LARGE1: variants seen among roughly 807,000 people sequenced by gnomAD.
LARGE1 encodes the protein LARGE xylosyl- and glucuronyltransferase 1, also known as xylosyl- and glucuronyltransferase LARGE1.
Under a neutral mutation model 87.6 loss-of-function variants are expected in LARGE1, and 43 were observed. That is an observed-to-expected ratio of 0.49 (90% CI 0.38 to 0.63). The LOEUF (loss-of-function observed/expected upper bound fraction) is 0.63, where lower values mean the gene tolerates loss of function less well. Among genes scored for constraint, LARGE1 ranks in the 30% least tolerant of loss-of-function variants. The pLI, the probability that LARGE1 is intolerant of heterozygous loss-of-function variation, is 0.00. For synonymous variants in LARGE1, 434 were observed against 394.6 expected, an observed-to-expected ratio of 1.10 and a Z score of -1.18; for missense variants, 802 against 1,000.2, an observed-to-expected ratio of 0.80 and a Z score of 2.67.
chr22:33,593,993 G>A (rs1329584935), intron 5 of LARGE1, among the ~76,000 whole-genome samples: 4 of 152,100 alleles, frequency 2.6e-5, no homozygotes, highest in African/African-American at 4.8e-5. Context: ...CAGTTTCCTC[G>A]CCAGGAAATG....
intron 1 of LARGE1, among the ~76,000 whole-genome samples, chr22:33,766,818 A>C (rs1488708568): frequency 1.3e-5 from 2 of 151,648 alleles, no homozygotes; most frequent in African/African-American, 4.8e-5. Context: ...AATTTTATAT[A>C]CGTGTACAAA....
intron 6 of LARGE1, among the ~76,000 whole-genome samples, chr22:33,542,595 G>C (rs2077244443): frequency 6.7e-6 from 1 of 149,800 alleles, no homozygotes; most frequent in Admixed American, 6.8e-5. Flanking sequence ...TAGGTATATA[G>C]AACCTTGAAG....
At chr22:33,334,445 A>G (rs1039200902) in intron 10 of LARGE1, among the ~76,000 whole-genome samples, 1 of 151,868 alleles carries the variant, frequency 6.6e-6, no homozygotes, top group African/African-American at 2.4e-5. Flanking sequence ...ACACCAAACA[A>G]AAAGAAACAG....
intron 12 of LARGE1, among the ~76,000 whole-genome samples, chr22:33,297,131 T>C (rs1050373090): frequency 6.6e-6 from 1 of 152,226 alleles, no homozygotes; most frequent in South Asian, 2.1e-4. Flanking sequence ...GTGCCACCTC[T>C]ACCTGGCTTT....
chr22:33,768,923 A>G (rs911156573), intron 1 of LARGE1, among the ~76,000 whole-genome samples: 5 of 152,206 alleles, frequency 3.3e-5, no homozygotes, highest in Admixed American at 6.5e-5. Context: ...GGTGATTCAT[A>G]TATACACGAA....
chr22:33,391,123 G>A (rs981430324), intron 7 of LARGE1, among the ~76,000 whole-genome samples: 2 of 152,148 alleles, frequency 1.3e-5, no homozygotes, highest in African/African-American at 4.8e-5. Context: ...GAGCCACCGT[G>A]CCCAGCCTAC....
intron 6 of LARGE1, among the ~76,000 whole-genome samples, chr22:33,488,722 C>G (rs1400943586): frequency 6.6e-6 from 1 of 152,176 alleles, no homozygotes; most frequent in Non-Finnish European, 1.5e-5. Context: ...TAACCTAGCA[C>G]TTAAGGAAGA....
At chr22:33,360,570 C>T (rs978311394) in intron 9 of LARGE1, among the ~76,000 whole-genome samples, 4 of 149,196 alleles carry the variant, frequency 2.7e-5, no homozygotes, top group East Asian at 1.9e-4. Context: ...ATAAGAACAA[C>T]ACGATGCGGA....
intron 1 of LARGE1, among the ~76,000 whole-genome samples, chr22:33,789,785 T>G (rs2085764855): frequency 6.6e-6 from 1 of 152,184 alleles, no homozygotes; most frequent in Non-Finnish European, 1.5e-5. Flanking sequence ...ATGTCTCCAA[T>G]TTGGAATGGG....
At position 33,761,568 on chromosome 22, in the gene LARGE1, A is replaced by G. The variant is rs2084731560; in HGVS notation, c.-82-10T>C. 1.0e-6 allele frequency: 1 copy of G among 985,880 alleles called. No individual in the cohort carries two copies. The highest frequency in any genetic ancestry group is 1.6e-6 in the Non-Finnish European group (1 of 618,944). The allele number at this position is 985,880 out of a possible 1,614,324, so 61.1% of individuals were successfully genotyped here. On this transcript the variant is annotated splice_polypyrimidine_tract_variant and intron_variant, in intron 1 of 14. Transcript: ENST00000397394. ...TCCCTCATAATACTCTCTGAAAGGA[A>G]GAGCAAAGAGGAAGGCCTGAGTTCT...
At position 33,337,685 on chromosome 22, in the gene LARGE1, C is replaced by T. The variant is rs1231387629; in HGVS notation, c.1248G>A (p.Leu416=). ...CATCAGCCTCACTGGGGCAGCCAAACAGTTCCCGCCTCAGAAGATTGCCGT... is the reference window on the plus strand; with the variant it reads ...CATCAGCCTCACTGGGGCAGCCAAATAGTTCCCGCCTCAGAAGATTGCCGT... ...EYDGNLLRRE[L]FGCPSEADVN... The change falls in exon 10 of 15, where the codon CTG becomes CTA. Residue 416 remains leucine, a synonymous_variant. Transcript: ENST00000397394. The T allele has an allele frequency of 1.2e-6, 2 of 1,614,010 alleles. No individual in the cohort carries two copies. The highest frequency in any genetic ancestry group is 8.5e-7 in the Non-Finnish European group (1 of 1,180,040).
chr22:33,220,827 A>G (rs1925421826), intron 11 of LARGE1, among the ~76,000 whole-genome samples: 1 of 152,196 alleles, frequency 6.6e-6, no homozygotes, highest in South Asian at 2.1e-4. Context: ...AAGAGCTTTC[A>G]GCTGAATCCT....
At chr22:33,291,847 C>A (rs1308277054) in intron 12 of LARGE1, among the ~76,000 whole-genome samples, 2 of 152,108 alleles carry the variant, frequency 1.3e-5, no homozygotes, top group East Asian at 1.9e-4. Context: ...AATCCCAGCA[C>A]TTTGGGAGGC....
intron 1 of LARGE1, among the ~76,000 whole-genome samples, chr22:33,853,784 T>A (rs2063678182): frequency 6.6e-6 from 1 of 152,226 alleles, no homozygotes; most frequent in East Asian, 1.9e-4. Flanking sequence ...GTCTGCTGTA[T>A]CCTCAAAACC....
intron 1 of LARGE1, among the ~76,000 whole-genome samples, chr22:33,855,670 C>T (rs1399404114): frequency 6.6e-6 from 1 of 152,178 alleles, no homozygotes; most frequent in Non-Finnish European, 1.5e-5. Flanking sequence ...CCCTCTGCCC[C>T]CAGGAACCAC....
chr22:33,753,664 G>T (rs2084403463), intron 2 of LARGE1, among the ~76,000 whole-genome samples: 1 of 152,168 alleles, frequency 6.6e-6, no homozygotes, highest in Non-Finnish European at 1.5e-5. Flanking sequence ...CTCTTGCCAT[G>T]ACCTCTTAAA....
intron 7 of LARGE1, among the ~76,000 whole-genome samples, chr22:33,388,842 T>C (rs1266735702): frequency 1.3e-5 from 2 of 152,228 alleles, no homozygotes; most frequent in African/African-American, 4.8e-5. Context: ...GCTGGGATTT[T>C]ACAGGTGTGA....
At position 33,778,250 on chromosome 22, in the gene LARGE1, C is replaced by T. The variant is rs753819485; in HGVS notation, c.-82-16692G>A. ...CGTGTGATGGTTTCCAACAGCAATG[C>T]CCTTTAACCCTTGTTTCAAGATACC... On this transcript the variant is annotated intron_variant, in intron 1 of 14. Transcript: ENST00000397394. Among the ~76,000 whole-genome samples, 8 of 152,274 alleles carry T rather than the reference C, an allele frequency of 5.3e-5. No individual in the cohort carries two copies. The South Asian group carries it at 1.5e-3, about 28-fold the overall frequency.
rs1015878814 is a variant in LARGE1 at position 33,364,104 on chromosome 22, G to C, written c.1131+17815C>G. On this transcript the variant is annotated intron_variant, in intron 9 of 14. Coordinates refer to ENST00000397394, the MANE Select transcript of LARGE1 (RefSeq NM_133642.5). ...GAGTCTCGCTCTGTCGCCCAGGCTG[G>C]AGTGCAGTGGCGCAATCTCGGCTCA... is the stretch of plus-strand genomic sequence containing the variant. 3.4e-4 allele frequency among the ~76,000 whole-genome samples: 51 copies of C among 151,220 alleles called. 3 individuals are homozygous for C. The highest frequency in any genetic ancestry group is 1.2e-3 in the African/African-American group (50 of 41,254).
Sources: allele counts gnomAD v4.1 joint callset (sites outside exome capture counted in the v4.1 genomes callset), GRCh38; gene constraint gnomAD v4.1.1; transcripts MANE v1.5; gene names NCBI Gene and HGNC (gene_info 2026-07-23, HGNC 2026-07-21).